TRIM64B: variants seen among roughly 807,000 people sequenced by gnomAD.
TRIM64B encodes tripartite motif-containing protein 64B.
For synonymous variants in TRIM64B, 17 were observed against 190.3 expected (o/e 0.09, Z 7.50); for missense variants, 57 against 536.4 (o/e 0.11, Z 8.83).
At position 89,872,798 on chromosome 11, in the gene TRIM64B, A is replaced by C. The variant is rs530166657; in HGVS notation, c.758+470T>G. Among the ~76,000 whole-genome samples, 30 of 151,748 alleles carry C rather than the reference A, an allele frequency of 2.0e-4. 3 individuals carry two copies. Among genetic ancestry groups the C allele is most frequent in the African/African-American group, 7.1e-4 (29 of 41,018 alleles). On this transcript the variant is annotated intron_variant, in intron 4 of 5. Transcript: ENST00000329862. ...TGCTGCTGAGGGGCCCGAGGCAACCATTTCCCTGAGGTCTTTCCTAGAACT... is the reference window on the plus strand; with the variant it reads ...TGCTGCTGAGGGGCCCGAGGCAACCCTTTCCCTGAGGTCTTTCCTAGAACT...
upstream of TRIM64B, among the ~76,000 whole-genome samples, chr11:89,877,087 T>C (rs1950170300): frequency 7.4e-6 from 1 of 135,940 alleles, no homozygotes; most frequent in South Asian, 2.5e-4. Flanking sequence ...AGACACTTAG[T>C]ATCTATGGTA....
upstream of TRIM64B, among the ~76,000 whole-genome samples, chr11:89,877,611 T>TC (rs1251312564): frequency 7.1e-6 from 1 of 140,054 alleles, no homozygotes; most frequent in East Asian, 2.0e-4. Context: ...TTCTTTTTCT[T>TC]TTTTTTTTTT....
upstream of TRIM64B, among the ~76,000 whole-genome samples, chr11:89,876,529 T>C (rs1950165230): frequency 6.7e-6 from 1 of 149,542 alleles, no homozygotes; most frequent in South Asian, 2.1e-4. Flanking sequence ...GAGACCATCC[T>C]GACTAACACG....
At chr11:89,876,452 G>A (rs1417395777), upstream of TRIM64B, among the ~76,000 whole-genome samples, 2 of 149,582 alleles carry the variant, frequency 1.3e-5, no homozygotes, top group South Asian at 2.1e-4. Context: ...GGCAGGGCGC[G>A]GTACTCATGC....
upstream of TRIM64B, among the ~76,000 whole-genome samples, chr11:89,876,338 G>C (rs1254491915): frequency 6.8e-5 from 10 of 146,136 alleles, no homozygotes; most frequent in South Asian, 1.8e-3. Context: ...AATACTTTAT[G>C]TCTAGATTAC....
chr11:89,875,235 T>C (rs1269593864), intron 1 of TRIM64B, among the ~76,000 whole-genome samples, 162 bp from the exon 3 acceptor site: 1 of 152,246 alleles, frequency 6.6e-6, no homozygotes, highest in Non-Finnish European at 1.5e-5. Context: ...ATAATTTGGA[T>C]GTGAAAAGTG....
intron 5 of TRIM64B, among the ~76,000 whole-genome samples, chr11:89,871,388 T>C (rs565602887): frequency 1.6e-4 from 24 of 152,362 alleles, no homozygotes; most frequent in African/African-American, 5.3e-4. Context: ...TTTCAGGGCA[T>C]ATGCAAAATG....
intron 3 of TRIM64B, 67 bp downstream of exon 4, chr11:89,873,982 T>C (rs1354378603): frequency 4.8e-6 from 5 of 1,038,132 alleles, no homozygotes; most frequent in Non-Finnish European, 5.8e-6. Flanking sequence ...CAGGTGATAT[T>C]TGCATGTCCT....
chr11:89,875,032 A>C (rs1443810294), exon 2 of TRIM64B: 1 of 1,550,940 alleles, frequency 6.4e-7, no homozygotes, highest in Non-Finnish European at 8.7e-7. Context: ...TTGTCTCTTG[A>C]TTGATTTCCC....
At chr11:89,877,967 A>C (rs1950175835), upstream of TRIM64B, among the ~76,000 whole-genome samples, 1 of 148,392 alleles carries the variant, frequency 6.7e-6, no homozygotes. Flanking sequence ...TGCAAATTGC[A>C]AATTTTGAAG....
chr11:89,872,822 C>G (rs1237645110), intron 4 of TRIM64B, among the ~76,000 whole-genome samples: 1 of 151,874 alleles, frequency 6.6e-6, no homozygotes, highest in African/African-American at 2.4e-5. Context: ...TTTCCTAGAA[C>G]TGGGTGTATG....
chr11:89,872,076 T>TAGGGAAGATGCACATGTTTCGGAA (rs1198382219), intron 5 of TRIM64B, 139 bp downstream of exon 6: 1 of 633,990 alleles, frequency 1.6e-6, no homozygotes, highest in African/African-American at 2.0e-5. Flanking sequence ...ACTATGCAGG[T>TAGGGAAGATGCACATGTTTCGGAA]AGGGAAGATG....
intron 5 of TRIM64B, 59 bp from the exon 7 acceptor site, chr11:89,871,173 C>G (rs1950104432): frequency 9.6e-7 from 1 of 1,038,288 alleles, no homozygotes; most frequent in Admixed American, 2.7e-5. Flanking sequence ...CTCTGTGGCC[C>G]AATTATTCAC....
upstream of TRIM64B, among the ~76,000 whole-genome samples, chr11:89,877,194 A>T (rs1163576781): frequency 8.7e-5 from 9 of 102,924 alleles, no homozygotes; most frequent in South Asian, 1.4e-3. Context: ...ATCACAGTGG[A>T]CTGTCAACTC....
At chr11:89,877,010 A>T (rs1950169872), upstream of TRIM64B, among the ~76,000 whole-genome samples, 1 of 145,028 alleles carries the variant, frequency 6.9e-6, no homozygotes, top group Non-Finnish European at 1.5e-5. Flanking sequence ...GAAGAAGCAC[A>T]TTCTGAATGT....
intron 4 of TRIM64B, among the ~76,000 whole-genome samples, chr11:89,872,653 G>T (rs1164036143): frequency 6.6e-6 from 1 of 151,812 alleles, no homozygotes; most frequent in Non-Finnish European, 1.5e-5. Context: ...AAAAACCTTT[G>T]GGACCTCAGC....
chr11:89,871,959 A>G (rs1343721429), intron 5 of TRIM64B, among the ~76,000 whole-genome samples: 1 of 74,510 alleles, frequency 1.3e-5, no homozygotes, highest in Admixed American at 1.8e-4. Flanking sequence ...TCATAACTAC[A>G]TGATCTGAAT....
upstream of TRIM64B, among the ~76,000 whole-genome samples, chr11:89,877,824 G>A (rs1347848781): frequency 6.7e-6 from 1 of 149,442 alleles, no homozygotes; most frequent in Non-Finnish European, 1.5e-5. Context: ...GTTTCACCAT[G>A]TTGGCCAGGC....
chr11:89,876,321 C>T (rs1434502892), upstream of TRIM64B, among the ~76,000 whole-genome samples: 1 of 145,178 alleles, frequency 6.9e-6, no homozygotes, highest in Non-Finnish European at 1.5e-5. Context: ...CTAAACCTAT[C>T]CTCCTGAATA....
Sources: gnomAD v4.1 joint callset for allele counts (sites outside exome capture counted in the v4.1 genomes callset) on GRCh38, gnomAD v4.1.1 for gene constraint, MANE v1.5 for transcripts, NCBI Gene and HGNC (gene_info 2026-07-23, HGNC 2026-07-21) for gene names.